Variants in MACROD2 observed in about 807,000 individuals in gnomAD.
The protein encoded by MACROD2 is mono-ADP ribosylhydrolase 2, also known as ADP-ribose glycohydrolase MACROD2.
MACROD2 carries 36 observed loss-of-function variants against 70.4 expected under a neutral mutation model. That is an observed-to-expected ratio of 0.51 (90% CI 0.39 to 0.68). The LOEUF (loss-of-function observed/expected upper bound fraction) is 0.68, where lower values mean the gene tolerates loss of function less well. Ranked by LOEUF, MACROD2 falls within the 30% of genes least tolerant of loss-of-function variation. The pLI is 0.00. For missense variants in MACROD2, 496 were observed against 538.4 expected (o/e 0.92, Z 0.78); for synonymous variants, 172 against 178.8 (o/e 0.96, Z 0.30).
intron 5 of MACROD2, among the ~76,000 whole-genome samples, chr20:15,087,607 A>G (rs537694955): frequency 6.7e-4 from 102 of 152,166 alleles, no homozygotes; most frequent in Admixed American, 5.0e-3. Flanking sequence ...AATGTAAAAC[A>G]TAAAAGTAAA....
At chr20:15,951,346 CACACAAAG>C (rs1421551592) in intron 12 of MACROD2, among the ~76,000 whole-genome samples, 3 of 148,252 alleles carry the variant, frequency 2.0e-5, no homozygotes, top group East Asian at 2.0e-4. Flanking sequence ...CACACACACA[CACACAAAG>C]AGAGAGAGAG....
intron 10 of MACROD2, among the ~76,000 whole-genome samples, chr20:15,932,759 A>G (rs1386253319): frequency 6.6e-6 from 1 of 152,240 alleles, no homozygotes; most frequent in Non-Finnish European, 1.5e-5. Context: ...AGATAGCTAT[A>G]TATGATAGCA....
intron 8 of MACROD2, among the ~76,000 whole-genome samples, chr20:15,661,399 A>G (rs35604225): frequency 0.012 from 1,789 of 152,328 alleles, 17 homozygotes; most frequent in Non-Finnish European, 0.018. Flanking sequence ...GGAAGCAGGC[A>G]TATGAAAAGA....
At chr20:15,801,731 T>G (rs544495101) in intron 8 of MACROD2, among the ~76,000 whole-genome samples, 129 of 152,244 alleles carry the variant, frequency 8.5e-4, no homozygotes, top group Admixed American at 1.6e-3. Flanking sequence ...TCTATTTCTG[T>G]GAAAAATATC....
At chr20:14,202,466 A>G (rs1336756962) in intron 3 of MACROD2, among the ~76,000 whole-genome samples, 1 of 152,320 alleles carries the variant, frequency 6.6e-6, no homozygotes, top group Non-Finnish European at 1.5e-5. Context: ...AGAATTTTTC[A>G]TTAAAAAATA....
At chr20:14,462,915 C>A (rs968181647) in intron 3 of MACROD2, among the ~76,000 whole-genome samples, 1 of 152,106 alleles carries the variant, frequency 6.6e-6, no homozygotes, top group East Asian at 1.9e-4. Flanking sequence ...GGTACCAGTA[C>A]CATGCTGTTT....
chr20:14,060,796 C>T (rs1444039535), intron 2 of MACROD2, among the ~76,000 whole-genome samples: 2 of 152,084 alleles, frequency 1.3e-5, no homozygotes, highest in African/African-American at 4.8e-5. Flanking sequence ...AAATGTTGAG[C>T]TTTTCTGTAT....
chr20:15,142,130 C>T (rs1276666246), intron 5 of MACROD2, among the ~76,000 whole-genome samples: 1 of 152,144 alleles, frequency 6.6e-6, no homozygotes, highest in Non-Finnish European at 1.5e-5. Flanking sequence ...ATTATAAACT[C>T]CTAGAAGGCA....
At chr20:15,089,169 A>T (rs189212271) in intron 5 of MACROD2, among the ~76,000 whole-genome samples, 6 of 152,168 alleles carry the variant, frequency 3.9e-5, no homozygotes, top group Non-Finnish European at 8.8e-5. Flanking sequence ...CTGTCATTCT[A>T]TGAAAGTATT....
intron 6 of MACROD2, among the ~76,000 whole-genome samples, chr20:15,250,570 G>A (rs1328416222): frequency 6.6e-6 from 1 of 152,114 alleles, no homozygotes; most frequent in Non-Finnish European, 1.5e-5. Flanking sequence ...GAAATAATAA[G>A]CCTTTACTCT....
intron 8 of MACROD2, among the ~76,000 whole-genome samples, chr20:15,542,509 T>C (rs1478975038): frequency 1.3e-5 from 2 of 152,098 alleles, no homozygotes; most frequent in African/African-American, 4.8e-5. Context: ...GGGGCAAATA[T>C]GGGTGCTTCT....
intron 5 of MACROD2, among the ~76,000 whole-genome samples, chr20:14,726,008 C>A (rs934128536): frequency 2.6e-5 from 4 of 152,106 alleles, no homozygotes; most frequent in African/African-American, 9.7e-5. Flanking sequence ...CATCATTATA[C>A]CTTTCTTCAT....
At chr20:15,170,907 TAGAG>T (rs1262166763) in intron 5 of MACROD2, among the ~76,000 whole-genome samples, 1 of 152,146 alleles carries the variant, frequency 6.6e-6, no homozygotes, top group African/African-American at 2.4e-5. Context: ...CTGCCCAGCT[TAGAG>T]AGAGAGATTG....
rs73093955 is a variant in MACROD2, at chr20:15,035,573, G to A, written c.419-194367G>A. 9.3e-3 allele frequency among the ~76,000 whole-genome samples: 1,422 copies of A among 152,202 alleles called. 5 individuals carry two copies. Among genetic ancestry groups the A allele is most frequent in the Non-Finnish European group, 0.015 (1,039 of 68,008 alleles). ...CCACCCATCTGCACTGTCAGGAAAA[G>A]CAATCAGTGCCATTCTTTATGGAAC... On this transcript the variant is annotated intron_variant, in intron 5 of 17. Transcript: ENST00000684519.
intron 4 of MACROD2, among the ~76,000 whole-genome samples, chr20:14,562,926 T>G (rs1175981599): frequency 1.3e-5 from 2 of 151,836 alleles, no homozygotes; most frequent in East Asian, 3.9e-4. Flanking sequence ...TAGTATGAAC[T>G]TATGGAAATT....
At chr20:14,303,589 C>T (rs1034895248) in intron 3 of MACROD2, among the ~76,000 whole-genome samples, 1 of 152,218 alleles carries the variant, frequency 6.6e-6, no homozygotes, top group African/African-American at 2.4e-5. Context: ...TGATTACCCT[C>T]TTTCTGACTC....
chr20:14,133,274 A>C (rs892511776), intron 3 of MACROD2, among the ~76,000 whole-genome samples: 2 of 152,220 alleles, frequency 1.3e-5, no homozygotes, highest in African/African-American at 2.4e-5. Flanking sequence ...TGCATTTCTC[A>C]TCAGGAACCT....
chr20:14,535,636 T>C (rs989759141), intron 4 of MACROD2, among the ~76,000 whole-genome samples: 12 of 151,876 alleles, frequency 7.9e-5, no homozygotes, highest in Non-Finnish European at 1.8e-4. Context: ...CTTGAGTATA[T>C]AGTGAAGAAG....
intron 6 of MACROD2, among the ~76,000 whole-genome samples, chr20:15,270,327 A>G (rs573836248): frequency 1.3e-5 from 2 of 152,312 alleles, no homozygotes; most frequent in East Asian, 3.9e-4. Context: ...AACTACTTGT[A>G]TGAATTTTGA....
Sources: gnomAD v4.1 joint callset for allele counts (sites outside exome capture counted in the v4.1 genomes callset) on GRCh38, gnomAD v4.1.1 for gene constraint, MANE v1.5 for transcripts, NCBI Gene and HGNC (gene_info 2026-07-23, HGNC 2026-07-21) for gene names.